MYOM1: variants seen among roughly 807,000 people sequenced by gnomAD.
MYOM1 encodes the protein myomesin-1.
A neutral mutation model predicts 205.3 loss-of-function variants in MYOM1; 164 were observed. That is an observed-to-expected ratio of 0.80 (90% CI 0.70 to 0.91). The LOEUF is 0.91. Among genes scored for constraint, MYOM1 ranks in the 40% least tolerant of loss-of-function variants. MYOM1 has a pLI of 0.00. For synonymous variants in MYOM1, 772 were observed against 789.4 expected (o/e 0.98, Z 0.37); for missense variants, 2,011 against 2,127.3 (o/e 0.95, Z 1.08).
chr18:3,157,683 T>A (rs12971084), intron 10 of MYOM1, among the ~76,000 whole-genome samples: 4,535 of 42,410 alleles, frequency 0.11, 98 homozygotes, highest in Non-Finnish European at 0.16. Flanking sequence ...TCTCCAAAAA[T>A]AATAATAATA....
chr18:3,084,912 A>C, intron 31 of MYOM1, 133 bp downstream of exon 31: 1 of 640,710 alleles, frequency 1.6e-6, no homozygotes. Flanking sequence ...ACTCTGTTGG[A>C]ATTTCAATTA....
Position 3,193,875 on chromosome 18 carries a change from G to C in MYOM1, c.374C>G (p.Ser125Cys). The change falls in exon 3 of 38, where the codon TCT becomes TGT. Residue 125 changes from serine to cysteine, a missense_variant. Ser to Cys is a moderately radical substitution (Grantham distance 112, BLOSUM62 -1). Transcript: ENST00000356443. ...KPKRAKHSLL[S>C]GEEKENLPSD... is the part of the protein sequence containing the mutation. ...GGGCAAATTTTCTTTCTCTTCTCCA[G>C]ACAGTAGGCTGTGCTTGGCTCTCTT... 1 of 1,613,896 alleles carries C rather than the reference G, an allele frequency of 6.2e-7. No homozygotes were observed. Among genetic ancestry groups the C allele is most frequent in the Non-Finnish European group, 8.5e-7 (1 of 1,179,838 alleles).
At position 3,086,481 on chromosome 18, in the gene MYOM1, AG is replaced by A. The variant is rs1197945143; in HGVS notation, c.4138-331del. Reference sequence around the variant, plus strand: ...ATGAAAATAGAAGTCACAAAACCAAAGGGAGAAAAATCCCATCAGATTAAAA... The same window carrying A: ...ATGAAAATAGAAGTCACAAAACCAAAGGAGAAAAATCCCATCAGATTAAAA... On this transcript the variant is annotated intron_variant, in intron 29 of 37. Transcript: ENST00000356443. Among the ~76,000 whole-genome samples the A allele has an allele frequency of 5.9e-5, 9 of 152,346 alleles. No individual in the cohort carries two copies. In the East Asian group the frequency reaches 1.7e-3, roughly 29 times the overall value.
Position 3,116,460 on chromosome 18 carries a change from C to A in MYOM1, c.3174G>T (p.Gln1058His). 1 of 1,611,198 alleles carries A rather than the reference C, an allele frequency of 6.2e-7. No individual in the cohort carries two copies. The highest frequency in any genetic ancestry group is 8.5e-7 in the Non-Finnish European group (1 of 1,178,380). ...GCCCGGAGTGGACTGGCGGCTTCCA[C>A]TGGAGAACCAGTGAGTCTTTCCTGA... ...SEVRKDSLVL[Q>H]WKPPVHSGRT... Residue 1058 changes from glutamine to histidine, a missense_variant, in exon 21 of 38, where the codon CAG becomes CAT. Coordinates refer to ENST00000356443, the MANE Select transcript of MYOM1 (RefSeq NM_003803.4).
At chr18:3,147,952 A>C (rs1405559147) in intron 13 of MYOM1, among the ~76,000 whole-genome samples, 1 of 152,216 alleles carries the variant, frequency 6.6e-6, no homozygotes, top group East Asian at 1.9e-4. Context: ...AAAGATGCCC[A>C]ATGTCACAAA....
chr18:3,236,956 G>A, the MYOM1 span, among the ~76,000 whole-genome samples: 33 of 152,150 alleles, frequency 2.2e-4, no homozygotes, highest in Non-Finnish European at 4.9e-4. Context: ...AGAGAAGAAG[G>A]TATTTCAAAG....
chr18:3,238,008 C>T, the MYOM1 span, among the ~76,000 whole-genome samples: 1 of 152,112 alleles, frequency 6.6e-6, no homozygotes. Context: ...GCAATGATTT[C>T]AGAATGATTC....
At chr18:3,197,828 G>C (rs554298360) in intron 2 of MYOM1, among the ~76,000 whole-genome samples, 16 of 151,996 alleles carry the variant, frequency 1.1e-4, no homozygotes, top group Non-Finnish European at 1.5e-5. Context: ...AGCCGAGATC[G>C]CACCACTGCA....
chr18:3,089,378 T>C (rs2063258797), intron 28 of MYOM1, 137 bp from the exon 29 acceptor site: 14 of 805,910 alleles, frequency 1.7e-5, no homozygotes, highest in Non-Finnish European at 2.7e-5. Context: ...AATATTTTAA[T>C]GTCTACATAT....
At chr18:3,197,692 T>A (rs567350937) in intron 2 of MYOM1, among the ~76,000 whole-genome samples, 2 of 151,526 alleles carry the variant, frequency 1.3e-5, no homozygotes, top group East Asian at 2.0e-4. Context: ...GCTAACATGG[T>A]GAAACCCCGT....
At chr18:3,167,084 G>A (rs924462781) in intron 9 of MYOM1, among the ~76,000 whole-genome samples, 1 of 152,134 alleles carries the variant, frequency 6.6e-6, no homozygotes, top group African/African-American at 2.4e-5. Flanking sequence ...CAATACCTAG[G>A]CATAAAGGGA....
intron 22 of MYOM1, among the ~76,000 whole-genome samples, chr18:3,103,456 G>A (rs1278703654): frequency 6.6e-6 from 1 of 152,168 alleles, no homozygotes; most frequent in East Asian, 1.9e-4. Flanking sequence ...AGAATTCAAG[G>A]AGAATTTGTA....
chr18:3,120,157 G>A (rs984285953), intron 19 of MYOM1, among the ~76,000 whole-genome samples, 162 bp from the exon 20 acceptor site: 2 of 151,990 alleles, frequency 1.3e-5, no homozygotes, highest in Non-Finnish European at 2.9e-5. Flanking sequence ...GGATGAAACC[G>A]TGACCTCCTT....
chr18:3,113,925 T>C (rs7234800), intron 21 of MYOM1, among the ~76,000 whole-genome samples: 132,804 of 152,206 alleles, frequency 0.87, 58,460 homozygotes, highest in East Asian at 0.97. Flanking sequence ...AGGTTTTTAA[T>C]CTAACTAATT....
intron 2 of MYOM1, among the ~76,000 whole-genome samples, chr18:3,197,985 T>C (rs1462551468): frequency 2.6e-5 from 4 of 152,208 alleles, no homozygotes; most frequent in Admixed American, 1.3e-4. Context: ...ATACTGCCCA[T>C]GATGACTTTG....
chr18:3,183,304 G>A (rs984522503), intron 5 of MYOM1, among the ~76,000 whole-genome samples: 2 of 152,200 alleles, frequency 1.3e-5, no homozygotes, highest in African/African-American at 4.8e-5. Context: ...GGAATAGGAC[G>A]GTACTGCATC....
In MYOM1 at chr18:3,179,891, C is replaced by T. The variant is rs76915505; in HGVS notation, c.930-3757G>A. Among the ~76,000 whole-genome samples, 1,773 of 152,282 alleles carry T rather than the reference C, an allele frequency of 0.012. 27 individuals carry two copies. The highest frequency in any genetic ancestry group is 0.041 in the African/African-American group (1,701 of 41,532). On this transcript the variant is annotated intron_variant, in intron 5 of 37. Transcript: ENST00000356443. This position sits in a 1 kb window ranked among gnomAD's most constrained non-coding sequence, Gnocchi z 4.4. ...GTGGTTCCTCTTTGCCTAAGAAAAGCGCTGTGATACCAACGGCTGTGACAT... is the reference window on the plus strand; with the variant it reads ...GTGGTTCCTCTTTGCCTAAGAAAAGTGCTGTGATACCAACGGCTGTGACAT...
At chr18:3,173,573 CGTGTGTGTGTGTGT>C (rs71159051) in intron 8 of MYOM1, among the ~76,000 whole-genome samples, 9,536 of 136,980 alleles carry the variant, frequency 0.07, 348 homozygotes, top group South Asian at 0.095. Context: ...AGTCCAGACT[CGTGTGTGTGTGTGT>C]GTGTGTGTGT....
At chr18:3,200,872 A>G (rs1192691558) in intron 2 of MYOM1, among the ~76,000 whole-genome samples, 2 of 152,188 alleles carry the variant, frequency 1.3e-5, no homozygotes, top group Non-Finnish European at 2.9e-5. Context: ...TAATCTATGG[A>G]TCCAAGATGC....
Sources: allele counts gnomAD v4.1 joint callset (sites outside exome capture counted in the v4.1 genomes callset), GRCh38; gene constraint gnomAD v4.1.1; non-coding constraint Gnocchi (gnomAD v3.1); transcripts MANE v1.5; gene names NCBI Gene and HGNC (gene_info 2026-07-23, HGNC 2026-07-21).